DDX4: variants seen among roughly 807,000 people sequenced by gnomAD.
The protein encoded by DDX4 is DEAD-box helicase 4.
In DDX4, 25 loss-of-function variants were observed where a neutral mutation model predicts 100.0. The observed-to-expected ratio is 0.25, with a 90% CI of 0.18 to 0.35. The LOEUF (loss-of-function observed/expected upper bound fraction) is 0.35, where lower values mean the gene tolerates loss of function less well. DDX4 is among the 10% of genes least tolerant of loss of function. The pLI is 1.00. For synonymous variants in DDX4, 259 were observed against 275.7 expected (o/e 0.94, Z 0.60); for missense variants, 635 against 882.4 (o/e 0.72, Z 3.55).
At chr5:55,774,681 A>T (rs1370491066) in intron 7 of DDX4, among the ~76,000 whole-genome samples, 2 of 151,882 alleles carry the variant, frequency 1.3e-5, no homozygotes, top group Admixed American at 1.3e-4. Flanking sequence ...ATGCATTTTG[A>T]ATTCATTTTT....
intron 17 of DDX4, among the ~76,000 whole-genome samples, chr5:55,796,194 G>A (rs1352337757): frequency 2.6e-5 from 4 of 152,182 alleles, no homozygotes; most frequent in African/African-American, 9.6e-5. Flanking sequence ...CACCCACATT[G>A]AGGGTGGGCC....
intron 18 of DDX4, among the ~76,000 whole-genome samples, chr5:55,808,167 A>G (rs909962198): frequency 6.6e-6 from 1 of 152,090 alleles, no homozygotes; most frequent in African/African-American, 2.4e-5. Flanking sequence ...TTTCAGCTCC[A>G]TCAGGTCCTT....
chr5:55,796,510 T>C (rs1222875385), intron 17 of DDX4, among the ~76,000 whole-genome samples: 1 of 152,236 alleles, frequency 6.6e-6, no homozygotes, highest in East Asian at 1.9e-4. Flanking sequence ...CTGATTCTTT[T>C]AAACATTTAT....
rs148485105 is a variant in DDX4 at position 55,781,128 on chromosome 5, C to A, written c.559C>A (p.Pro187Thr). 2,467 of 1,612,240 alleles carry A rather than the reference C, an allele frequency of 1.5e-3. 7 individuals carry two copies. The highest frequency in any genetic ancestry group is 2.6e-3 in the Admixed American group (152 of 59,570). The change falls in exon 9 of 22, where the codon CCA (proline) becomes ACA (threonine). Residue 187 changes from proline to threonine, a missense_variant. Pro to Thr is a conservative substitution (Grantham distance 38). This residue lies in a region of DDX4 where 446 missense variants were observed against 540.8 expected (regional missense o/e 0.82). Transcript: ENST00000505374. Reference protein sequence around the residue: ...RTGGLFGSRRPVLSGTGNGDT... With the variant: ...RTGGLFGSRRTVLSGTGNGDT... The stretch of plus-strand genomic sequence containing the variant: ...TGGTGGCCTTTTTGGTTCTAGAAGA[C>A]CAGTATTAAGTGGCACAGGTGAGAA...
rs776888797 is a variant in DDX4, at chr5:55,785,468, A to G, written c.695A>G (p.Glu232Gly). 1.4e-5 allele frequency: 22 copies of G among 1,607,836 alleles called. No homozygotes were observed. Among genetic ancestry groups the G allele is most frequent in the East Asian group, 4.5e-5 (2 of 44,756 alleles). Residue 232 changes from glutamate (E) to glycine (G), a missense_variant, in exon 12 of 22, where the codon GAA becomes GGA. Transcript: ENST00000505374. ...CAAGATTCTTGGAAGTCAGAAGCAGAAGGAGGAGAAAGTAGTGATACTCAA... is the reference window on the plus strand; with the variant it reads ...CAAGATTCTTGGAAGTCAGAAGCAGGAGGAGGAGAAAGTAGTGATACTCAA... ...SGKNSWKSEA[E>G]GGESSDTQGP...
chr5:55,746,085 A>C, intron 2 of DDX4, 79 bp from the exon 3 acceptor site: 1 of 1,117,168 alleles, frequency 9.0e-7, no homozygotes, highest in Non-Finnish European at 1.3e-6. Context: ...AATTGTTATA[A>C]TTTTCTAGTA....
chr5:55,785,912 C>G, intron 13 of DDX4, 41 bp downstream of exon 13: 2 of 1,463,558 alleles, frequency 1.4e-6, no homozygotes, highest in South Asian at 2.3e-5. Context: ...ATGTAGCACA[C>G]TTTGCCTTTA....
intron 6 of DDX4, chr5:55,766,893 C>G: frequency 1.3e-6 from 2 of 1,515,084 alleles, no homozygotes; most frequent in Non-Finnish European, 1.8e-6. Flanking sequence ...TTTTACATTT[C>G]GAAAAATCAT....
intron 17 of DDX4, among the ~76,000 whole-genome samples, chr5:55,796,862 A>G (rs1742993958): frequency 1.6e-5 from 1 of 63,914 alleles, no homozygotes; most frequent in South Asian, 5.6e-4. Context: ...TTTTTTGGAG[A>G]CAAGGTCTCA....
intron 17 of DDX4, among the ~76,000 whole-genome samples, chr5:55,794,354 A>AT (rs1227796139): frequency 0.013 from 1,680 of 131,058 alleles, 10 homozygotes; most frequent in Middle Eastern, 0.023. Flanking sequence ...CGCCTGGTTA[A>AT]TTTTTTTTTT....
intron 10 of DDX4, among the ~76,000 whole-genome samples, chr5:55,785,043 C>G (rs949277524): frequency 6.6e-6 from 1 of 152,160 alleles, no homozygotes; most frequent in African/African-American, 2.4e-5. Flanking sequence ...AAAATACATT[C>G]CTTTGCTGAT....
rs779132602 is a variant in DDX4 at position 55,786,598 on chromosome 5, A to G, written c.945A>G (p.Gln315=). The change falls in exon 14 of 22, where the codon CAA becomes CAG. Residue 315 remains glutamine (Q), a synonymous_variant. Transcript: ENST00000505374. ...GTTATACTAAGCTTACTCCTGTGCA[A>G]AAATACAGTATTCCTATCATACTTG... is the stretch of plus-strand genomic sequence containing the variant. ...KAGYTKLTPV[Q]KYSIPIILAG... is the part of the protein sequence containing the mutation. 7 of 1,613,130 alleles carry G rather than the reference A, an allele frequency of 4.3e-6. No homozygotes were observed. The East Asian group carries it at 1.3e-4, about 31-fold the overall frequency.
intron 3 of DDX4, 91 bp downstream of exon 3, chr5:55,746,312 AG>A: frequency 8.7e-7 from 1 of 1,154,250 alleles, no homozygotes; most frequent in Non-Finnish European, 1.2e-6. Flanking sequence ...CATCTTGTAG[AG>A]GGTGTTTTAA....
intron 16 of DDX4, among the ~76,000 whole-genome samples, chr5:55,791,821 A>G (rs943842661): frequency 7.2e-5 from 11 of 152,146 alleles, no homozygotes; most frequent in Non-Finnish European, 8.8e-5. Flanking sequence ...ACGTTAAACA[A>G]TGCAGATAGG....
chr5:55,801,180 G>A (rs544842770), intron 18 of DDX4, among the ~76,000 whole-genome samples: 2 of 148,718 alleles, frequency 1.3e-5, no homozygotes, highest in Admixed American at 6.7e-5. Context: ...GTGGCTCAAC[G>A]CAAATTCGTA....
intron 2 of DDX4, among the ~76,000 whole-genome samples, chr5:55,743,709 C>T (rs1471256479): frequency 6.6e-6 from 1 of 152,154 alleles, no homozygotes; most frequent in African/African-American, 2.4e-5. Context: ...GAATTACAGG[C>T]GTGAGCCACC....
Position 55,738,472 on chromosome 5 carries a change from C to T in DDX4, c.-15+371C>T, listed in dbSNP as rs188821600. On this transcript the variant is annotated intron_variant, in intron 1 of 21. Coordinates refer to ENST00000505374, the MANE Select transcript of DDX4 (RefSeq NM_024415.3). ...GCCTCCCTCTTCACCGAGTCGCCGC[C>T]CCCCTACCCAGTCGACTCCCGTACC... is the stretch of plus-strand genomic sequence containing the variant. The T allele has an allele frequency of 1.5e-3, 240 of 155,042 alleles. 1 individual carries two copies. The highest frequency in any genetic ancestry group is 3.2e-3 in the Middle Eastern group (1 of 308). 9.6% of individuals were successfully genotyped at this position (155,042 alleles called of 1,614,324 possible).
chr5:55,781,756 G>A (rs1741925616), intron 9 of DDX4, among the ~76,000 whole-genome samples, 178 bp from the exon 10 acceptor site: 1 of 148,468 alleles, frequency 6.7e-6, no homozygotes, highest in Non-Finnish European at 1.5e-5. Context: ...CAGCCTTGGT[G>A]ATAGAGTGAG....
At chr5:55,796,618 G>C (rs1405412626) in intron 17 of DDX4, among the ~76,000 whole-genome samples, 2 of 151,922 alleles carry the variant, frequency 1.3e-5, no homozygotes, top group African/African-American at 4.8e-5. Flanking sequence ...TTTCTTACCT[G>C]GAGTCGTGTG....
Sources: allele counts gnomAD v4.1 joint callset (sites outside exome capture counted in the v4.1 genomes callset), GRCh38; gene constraint gnomAD v4.1.1; regional missense constraint gnomAD v4.1.1; transcripts MANE v1.5; gene names NCBI Gene and HGNC (gene_info 2026-07-23, HGNC 2026-07-21).